The following TSPAN13 variants were observed in gnomAD, a reference collection of about 807,000 sequenced individuals.
TSPAN13 encodes the protein tetraspanin-13.
In TSPAN13, 18 loss-of-function variants were observed where a neutral mutation model predicts 26.9. The ratio of observed to expected loss-of-function variants is 0.67; its 90% CI spans 0.46 to 0.99. The LOEUF (loss-of-function observed/expected upper bound fraction) is 0.99, where lower values mean the gene tolerates loss of function less well. TSPAN13 is among the 50% of genes least tolerant of loss of function. The probability of loss-of-function intolerance (pLI) is 0.00; values close to 1 mark genes in which losing one functional copy is unlikely to be tolerated. For missense variants in TSPAN13, 201 were observed against 249.6 expected (o/e 0.81, Z 1.31); for synonymous variants, 116 against 98.4 (o/e 1.18, Z -1.06).
At chr7:16,780,375 C>T (rs1011198230) in intron 5 of TSPAN13, among the ~76,000 whole-genome samples, 3 of 152,216 alleles carry the variant, frequency 2.0e-5, no homozygotes, top group African/African-American at 7.2e-5. Flanking sequence ...GCTGGGGTTA[C>T]AGGTGTGAGT....
intron 1 of TSPAN13, among the ~76,000 whole-genome samples, chr7:16,762,132 TGTG>T (rs1217351481): frequency 2.6e-5 from 4 of 152,160 alleles, no homozygotes; most frequent in Non-Finnish European, 5.9e-5. Context: ...GTTCTTGAAA[TGTG>T]GTGGATATTT....
At chr7:16,756,133 TTAGA>T (rs747415764) in intron 1 of TSPAN13, among the ~76,000 whole-genome samples, 13 of 152,200 alleles carry the variant, frequency 8.5e-5, no homozygotes, top group Non-Finnish European at 1.8e-4. Flanking sequence ...GGATCAAGTC[TTAGA>T]TAGATGCTGA....
At chr7:16,764,487 C>T (rs1731463258) in intron 1 of TSPAN13, among the ~76,000 whole-genome samples, 2 of 152,046 alleles carry the variant, frequency 1.3e-5, no homozygotes, top group African/African-American at 4.8e-5. Context: ...AGGCAACACA[C>T]AGTGTGCTCT....
At chr7:16,782,909 AC>A (rs1264987885) in intron 5 of TSPAN13, among the ~76,000 whole-genome samples, 2 of 152,198 alleles carry the variant, frequency 1.3e-5, no homozygotes, top group Non-Finnish European at 2.9e-5. Context: ...AAATAAAGGT[AC>A]CTTCTGGAGG....
chr7:16,772,601 T>C (rs767034620), intron 1 of TSPAN13, among the ~76,000 whole-genome samples: 6 of 152,194 alleles, frequency 3.9e-5, no homozygotes, highest in African/African-American at 7.2e-5. Context: ...GCCTCTCTCT[T>C]AAGGATACCT....
At chr7:16,764,023 T>C (rs553638166) in intron 1 of TSPAN13, among the ~76,000 whole-genome samples, 5 of 152,248 alleles carry the variant, frequency 3.3e-5, no homozygotes, top group African/African-American at 1.2e-4. Context: ...TGTTCTTTAT[T>C]TTTATTTTTA....
At chr7:16,754,066 GC>G in intron 1 of TSPAN13, 36 bp downstream of exon 1, 1 of 1,603,316 alleles carries the variant, frequency 6.2e-7, no homozygotes, top group Non-Finnish European at 8.5e-7. Flanking sequence ...TCGCTTGGGG[GC>G]TTTGCACCTG....
intron 5 of TSPAN13, 101 bp downstream of exon 5, chr7:16,779,217 G>C (rs1445178503): frequency 1.3e-6 from 1 of 780,842 alleles, no homozygotes; most frequent in Non-Finnish European, 2.0e-6. Flanking sequence ...TTTTCATTGA[G>C]AACTAGCACT....
intron 4 of TSPAN13, among the ~76,000 whole-genome samples, chr7:16,778,698 TTAAGA>T (rs1784781868): frequency 6.6e-6 from 1 of 152,204 alleles, no homozygotes; most frequent in Non-Finnish European, 1.5e-5. Flanking sequence ...CTCCATTCTG[TTAAGA>T]TGGAGTCTTT....
At chr7:16,776,904 G>T in intron 2 of TSPAN13, 138 bp from the exon 3 acceptor site, 1 of 471,344 alleles carries the variant, frequency 2.1e-6, no homozygotes. Flanking sequence ...TATCCTTTTT[G>T]AACTTTCTCT....
chr7:16,775,235 C>T (rs558773312), intron 1 of TSPAN13, among the ~76,000 whole-genome samples: 1 of 152,236 alleles, frequency 6.6e-6, no homozygotes, highest in East Asian at 1.9e-4. Context: ...TAAGCTTCAT[C>T]TTCTATAAGT....
At chr7:16,758,372 T>C (rs1456847626) in intron 1 of TSPAN13, among the ~76,000 whole-genome samples, 1 of 152,194 alleles carries the variant, frequency 6.6e-6, no homozygotes, top group Non-Finnish European at 1.5e-5. Context: ...TTTCTTCATA[T>C]ATAAATTGGT....
chr7:16,761,456 C>T lies in TSPAN13; in HGVS notation c.63+7426C>T, dbSNP rs1014325484. On this transcript the variant is annotated intron_variant, in intron 1 of 5. Coordinates refer to ENST00000262067, the MANE Select transcript of TSPAN13 (RefSeq NM_014399.4). ...TTAAGCAGAAGTTCAGAAGAGAGTT[C>T]AGTGTTCACGTGTAATTCCTCATTA... Among the ~76,000 whole-genome samples the T allele has an allele frequency of 3.9e-5, 6 of 152,268 alleles. No homozygotes were observed. The South Asian group carries it at 8.3e-4, about 21-fold the overall frequency.
chr7:16,760,766 A>G (rs1036083826), intron 1 of TSPAN13, among the ~76,000 whole-genome samples: 20 of 152,330 alleles, frequency 1.3e-4, no homozygotes, highest in African/African-American at 4.6e-4. Flanking sequence ...GTGTCTCAGA[A>G]GTCAAGTGCA....
Position 16,753,762 on chromosome 7 carries a change from A to C in TSPAN13, c.-206A>C, listed in dbSNP as rs906630938. On this transcript the variant is annotated 5_prime_UTR_variant, in exon 1 of 6. Transcript: ENST00000262067. ...GGGGCTCGGGCTCCTGCTCCGGCTC[A>C]GCTGCGGCGGCCGCAGGTTCCAAAG... 2.2e-6 allele frequency: 1 copy of C among 451,860 alleles called. No individual in the cohort carries two copies. 28.0% of individuals were successfully genotyped at this position (451,860 alleles called of 1,614,324 possible).
chr7:16,755,919 A>G (rs542757306), intron 1 of TSPAN13, among the ~76,000 whole-genome samples: 60 of 152,290 alleles, frequency 3.9e-4, no homozygotes, highest in African/African-American at 1.4e-3. Context: ...TGTGTGTTCT[A>G]TTGATTTTAA....
intron 1 of TSPAN13, among the ~76,000 whole-genome samples, chr7:16,760,429 A>C (rs1235382765): frequency 6.6e-6 from 1 of 152,188 alleles, no homozygotes; most frequent in Non-Finnish European, 1.5e-5. Context: ...CTCAGGCTCA[A>C]GGAATTGGCA....
chr7:16,767,823 C>T (rs1021203308), intron 1 of TSPAN13, among the ~76,000 whole-genome samples: 11 of 152,096 alleles, frequency 7.2e-5, no homozygotes, highest in Non-Finnish European at 1.5e-4. Flanking sequence ...TCAAATTCTT[C>T]TTCAGTGAAT....
intron 5 of TSPAN13, among the ~76,000 whole-genome samples, chr7:16,782,910 C>A (rs1784828726): frequency 6.6e-6 from 1 of 152,110 alleles, no homozygotes; most frequent in African/African-American, 2.4e-5. Context: ...AATAAAGGTA[C>A]CTTCTGGAGG....
Sources: allele counts gnomAD v4.1 joint callset (sites outside exome capture counted in the v4.1 genomes callset), GRCh38; gene constraint gnomAD v4.1.1; transcripts MANE v1.5; gene names NCBI Gene and HGNC (gene_info 2026-07-23, HGNC 2026-07-21).